PDSS2: variants seen among roughly 807,000 people sequenced by gnomAD.
PDSS2 encodes the protein all trans-polyprenyl-diphosphate synthase PDSS2.
In PDSS2, 31 loss-of-function variants were observed where a neutral mutation model predicts 44.5. That is an observed-to-expected ratio of 0.70 (90% CI 0.52 to 0.94). The LOEUF is 0.94. PDSS2 is among the 40% of genes least tolerant of loss of function. The pLI is 0.00. For synonymous variants in PDSS2, 157 were observed against 180.3 expected, an observed-to-expected ratio of 0.87 and a Z score of 1.03; for missense variants, 452 against 482.2, an observed-to-expected ratio of 0.94 and a Z score of 0.59.
chr6:107,183,571 G>T (rs1398418358), intron 7 of PDSS2, among the ~76,000 whole-genome samples: 1 of 151,944 alleles, frequency 6.6e-6, no homozygotes, highest in Non-Finnish European at 1.5e-5. Context: ...GGTGGCAGGC[G>T]CCTGTAATCC....
intron 7 of PDSS2, among the ~76,000 whole-genome samples, chr6:107,185,020 C>T (rs1480697027): frequency 6.6e-6 from 1 of 150,392 alleles, no homozygotes; most frequent in African/African-American, 2.4e-5. Context: ...CACCTGTAGT[C>T]GCAGCTACTT....
At chr6:107,331,049 G>GA (rs1777695356) in intron 2 of PDSS2, among the ~76,000 whole-genome samples, 1 of 151,934 alleles carries the variant, frequency 6.6e-6, no homozygotes, top group Non-Finnish European at 1.5e-5. Flanking sequence ...TTTTATGAGA[G>GA]AAAAAATACC....
At chr6:107,402,523 TAC>T (rs1780172377) in intron 1 of PDSS2, among the ~76,000 whole-genome samples, 1 of 96,860 alleles carries the variant, frequency 1.0e-5, no homozygotes, top group Non-Finnish European at 2.2e-5. Flanking sequence ...CACACATATA[TAC>T]ATACATTTTA....
chr6:107,305,933 A>G (rs1776845018), intron 2 of PDSS2, among the ~76,000 whole-genome samples: 1 of 152,158 alleles, frequency 6.6e-6, no homozygotes, highest in Admixed American at 6.5e-5. Flanking sequence ...GACTCTTTTC[A>G]GAATAGAAGA....
chr6:107,169,170 T>C (rs1554248089), intron 7 of PDSS2, among the ~76,000 whole-genome samples: 1 of 152,120 alleles, frequency 6.6e-6, no homozygotes, highest in African/African-American at 2.4e-5. Flanking sequence ...GAGGCTTTGT[T>C]TGTTTATTTT....
chr6:107,306,622 A>C (rs1776869062), intron 2 of PDSS2, among the ~76,000 whole-genome samples: 1 of 152,216 alleles, frequency 6.6e-6, no homozygotes, highest in Non-Finnish European at 1.5e-5. Flanking sequence ...GCTGGAATGC[A>C]TATGTTCCAG....
At chr6:107,448,759 G>C (rs1303686214) in intron 1 of PDSS2, among the ~76,000 whole-genome samples, 1 of 152,174 alleles carries the variant, frequency 6.6e-6, no homozygotes, top group East Asian at 1.9e-4. Context: ...ATTGCTCTAA[G>C]GAGATGCCCC....
intron 7 of PDSS2, among the ~76,000 whole-genome samples, chr6:107,173,383 C>T (rs1005461306): frequency 4.6e-5 from 7 of 150,990 alleles, no homozygotes; most frequent in Non-Finnish European, 8.9e-5. Flanking sequence ...AGACCATCCT[C>T]GCCAACATGG....
In PDSS2 at chr6:107,189,372, C is replaced by T. The variant is rs182159687; in HGVS notation, c.1041+4450G>A. Among the ~76,000 whole-genome samples, 63 of 152,104 alleles carry T rather than the reference C, an allele frequency of 4.1e-4. 1 individual carries two copies. Among genetic ancestry groups the T allele is most frequent in the Admixed American group, 4.1e-3 (63 of 15,250 alleles). On this transcript the variant is annotated intron_variant, in intron 7 of 7. Coordinates refer to ENST00000369037, the MANE Select transcript of PDSS2 (RefSeq NM_020381.4). ...TTATTTTTTTAGACAGAGTCTTGCT[C>T]TGTTGTCCAGGCTGGAATGCAAAGA...
intron 4 of PDSS2, among the ~76,000 whole-genome samples, chr6:107,217,882 C>T (rs556612820): frequency 4.6e-5 from 7 of 152,280 alleles, no homozygotes; most frequent in Admixed American, 3.3e-4. Flanking sequence ...AACTGTAAGT[C>T]TCTACAAGCC....
chr6:107,376,139 G>A (rs2114424318), intron 1 of PDSS2, among the ~76,000 whole-genome samples: 1 of 152,292 alleles, frequency 6.6e-6, no homozygotes, highest in East Asian at 1.9e-4. Context: ...TTTGGTACCA[G>A]TACCATGCTG....
rs559964443 is a variant in PDSS2 at position 107,451,041 on chromosome 6, A to G, written c.296+7949T>C. On this transcript the variant is annotated intron_variant, in intron 1 of 7. Coordinates refer to ENST00000369037, the MANE Select transcript of PDSS2 (RefSeq NM_020381.4). ...GAGACAGCATTTTGCCACATTGCCC[A>G]GGCTGGTCTTGAAATCCTGGACTCA... Among the ~76,000 whole-genome samples, 95 of 152,310 alleles carry G rather than the reference A, an allele frequency of 6.2e-4. No homozygotes were observed. In the South Asian group the frequency reaches 0.015, roughly 24 times the overall value.
chr6:107,180,664 C>A (rs1349427636), intron 7 of PDSS2, among the ~76,000 whole-genome samples: 1 of 152,102 alleles, frequency 6.6e-6, no homozygotes, highest in Admixed American at 6.6e-5. Context: ...AACTGGTCTT[C>A]ATCAACGATC....
Position 107,224,436 on chromosome 6 carries a change from G to A in PDSS2, c.703-12154C>T, listed in dbSNP as rs141549529. On this transcript the variant is annotated intron_variant, in intron 4 of 7. Transcript: ENST00000369037. Reference sequence around the variant, plus strand: ...TTTCCTCTAGATGTTGCCCTGTCTTGACAGGACATACCAAGGGCTACTGTA... The same window carrying A: ...TTTCCTCTAGATGTTGCCCTGTCTTAACAGGACATACCAAGGGCTACTGTA... Among the ~76,000 whole-genome samples the A allele has an allele frequency of 1.1e-3, 174 of 151,460 alleles. 13 individuals carry two copies. The highest frequency in any genetic ancestry group is 4.0e-3 in the African/African-American group (162 of 40,760).
At chr6:107,437,882 A>G (rs1674277491) in intron 1 of PDSS2, among the ~76,000 whole-genome samples, 1 of 152,202 alleles carries the variant, frequency 6.6e-6, no homozygotes, top group African/African-American at 2.4e-5. Context: ...CACAGGAAAC[A>G]GGTTGGTGAA....
At chr6:107,201,790 T>A (rs1240863412) in intron 6 of PDSS2, among the ~76,000 whole-genome samples, 1 of 152,232 alleles carries the variant, frequency 6.6e-6, no homozygotes, top group Non-Finnish European at 1.5e-5. Context: ...CTGCCATTTT[T>A]AAAGATTTCC....
chr6:107,170,881 G>C (rs1248371351), intron 7 of PDSS2, among the ~76,000 whole-genome samples: 1 of 151,742 alleles, frequency 6.6e-6, no homozygotes, highest in African/African-American at 2.4e-5. Flanking sequence ...CCAAAGTGCT[G>C]GGATTACAGG....
At chr6:107,345,173 C>T (rs984914523) in intron 1 of PDSS2, among the ~76,000 whole-genome samples, 2 of 151,824 alleles carry the variant, frequency 1.3e-5, no homozygotes, top group Non-Finnish European at 2.9e-5. Context: ...TACCACAGCC[C>T]GTCTGTGCAG....
At chr6:107,276,085 C>G (rs1451028595) in intron 2 of PDSS2, among the ~76,000 whole-genome samples, 1 of 118,030 alleles carries the variant, frequency 8.5e-6, no homozygotes, top group African/African-American at 3.2e-5. Flanking sequence ...CTATTGCACT[C>G]TAGCCTAGCA....
Sources: allele counts gnomAD v4.1 joint callset (sites outside exome capture counted in the v4.1 genomes callset), GRCh38; gene constraint gnomAD v4.1.1; transcripts MANE v1.5; gene names NCBI Gene and HGNC (gene_info 2026-07-23, HGNC 2026-07-21).